The following HIPK1 variants were observed in gnomAD, a reference collection of about 807,000 sequenced individuals.
HIPK1 encodes homeodomain-interacting protein kinase 1.
In HIPK1, 28 loss-of-function variants were observed where a neutral mutation model predicts 117.1. The ratio of observed to expected loss-of-function variants is 0.24; its 90% confidence interval spans 0.18 to 0.33. The LOEUF is 0.33. HIPK1 is among the 10% of genes least tolerant of loss of function. HIPK1 has a pLI of 1.00. For synonymous variants in HIPK1, 605 were observed against 562.5 expected, an observed-to-expected ratio of 1.08 and a Z score of -1.07; for missense variants, 1,122 against 1,475.1, an observed-to-expected ratio of 0.76 and a Z score of 3.92.
chr1:113,930,676 T>G (rs1214000061), intron 1 of HIPK1: 1 of 152,320 alleles, frequency 6.6e-6, no homozygotes, highest in Non-Finnish European at 1.5e-5. Context: ...CTTTTTGTGC[T>G]TAGCAACCAA....
At chr1:113,971,778 G>C in intron 14 of HIPK1, 46 bp from the exon 15 acceptor site, 1 of 1,567,364 alleles carries the variant, frequency 6.4e-7, no homozygotes, top group South Asian at 1.2e-5. Flanking sequence ...TCTGAGGTTA[G>C]CTCAGTGATG....
intron 1 of HIPK1, chr1:113,929,864 G>GGGCCCCAGATCTCGTCTCCTC (rs1669728046): frequency 2.0e-6 from 2 of 987,798 alleles, no homozygotes; most frequent in African/African-American, 1.7e-5. Flanking sequence ...CCCGGCTGCG[G>GGGCCCCAGATCTCGTCTCCTC]GGCCCCAGAT....
rs968257358 is a variant in HIPK1 at position 113,957,385 on chromosome 1, T to C, written c.1755+99T>C. ...GAACCAATTTTTGTTTTGGTGGTCT[T>C]GTTGCTTCTTAGAAATTCTCCACTT... On this transcript the variant is annotated intron_variant, in intron 7 of 15. Coordinates refer to ENST00000426820, the MANE Select transcript of HIPK1 (RefSeq NM_198268.3). 48 of 898,022 alleles carry C rather than the reference T, an allele frequency of 5.3e-5. No homozygotes were observed. In the South Asian group the frequency reaches 8.6e-4, roughly 16 times the overall value. 55.6% of individuals were successfully genotyped at this position (898,022 alleles called of 1,614,324 possible).
chr1:113,937,544 T>C (rs970608987), intron 1 of HIPK1, among the ~76,000 whole-genome samples: 3 of 151,804 alleles, frequency 2.0e-5, no homozygotes, highest in Admixed American at 6.6e-5. Context: ...TTAATAGATA[T>C]GAGATTGGTA....
intron 6 of HIPK1, 73 bp from the exon 7 acceptor site, chr1:113,957,051 T>C: frequency 7.9e-7 from 1 of 1,261,252 alleles, no homozygotes; most frequent in Non-Finnish European, 1.1e-6. Flanking sequence ...CTTTGATCCA[T>C]GTTCATCTTG....
At position 113,941,073 on chromosome 1, in the gene HIPK1, AG is replaced by A; in HGVS notation, c.692del (p.Gly231AspfsTer5). ...LKNHPSYARQ[G>X]QIEVSILSRL... ...AGAACCACCCCTCCTATGCCAGACA[AG>A]GACAGATTGAAGTGAGCATCCTTTC... On this transcript the variant is annotated frameshift_variant, in exon 2 of 16. Transcript: ENST00000426820. LOFTEE classifies it high-confidence loss of function. This position sits in a 1 kb window ranked among gnomAD's most constrained non-coding sequence, Gnocchi z 4.9. The A allele has an allele frequency of 6.2e-7, 1 of 1,614,254 alleles. No homozygotes were observed. Among genetic ancestry groups the A allele is most frequent in the Non-Finnish European group, 8.5e-7 (1 of 1,180,048 alleles).
Position 113,976,977 on chromosome 1 carries a change from A to G in HIPK1, c.*3465A>G, listed in dbSNP as rs952407813. The G allele has an allele frequency of 1.3e-5, 2 of 152,784 alleles. No homozygotes were observed. The highest frequency in any genetic ancestry group is 4.8e-5 in the African/African-American group (2 of 41,444). The allele number at this position is 152,784 out of a possible 1,614,324, so 9.5% of individuals were successfully genotyped here. ...GGAGGTGATATTATTTTCAGTGCTC[A>G]GCTGAAATACCAACCCCAGGAATAA... On this transcript the variant is annotated 3_prime_UTR_variant, in exon 16 of 16. Coordinates refer to ENST00000426820, the MANE Select transcript of HIPK1 (RefSeq NM_198268.3).
intron 1 of HIPK1, among the ~76,000 whole-genome samples, chr1:113,939,924 A>G (rs1670535022): frequency 6.7e-6 from 1 of 148,392 alleles, no homozygotes; most frequent in Non-Finnish European, 1.5e-5. Flanking sequence ...TCTTCAGAAT[A>G]TACTCTAGCT....
At chr1:113,971,722 A>T (rs1292731854) in intron 14 of HIPK1, 102 bp from the exon 15 acceptor site, 8 of 1,139,962 alleles carry the variant, frequency 7.0e-6, no homozygotes, top group Non-Finnish European at 9.8e-6. Context: ...TGAGACCTTA[A>T]TGCTTGCAAA....
intron 2 of HIPK1, among the ~76,000 whole-genome samples, chr1:113,944,173 T>TG (rs1670836199): frequency 7.5e-6 from 1 of 132,464 alleles, no homozygotes; most frequent in Non-Finnish European, 1.6e-5. Context: ...TTTTTTTTTT[T>TG]TTTTTTTTTT....
At chr1:113,962,590 T>C (rs1214082460) in intron 9 of HIPK1, 152 bp downstream of exon 9, 3 of 646,356 alleles carry the variant, frequency 4.6e-6, no homozygotes, top group South Asian at 2.8e-5. Flanking sequence ...TGGAACAATA[T>C]ACTAATTCCT....
intron 12 of HIPK1, 81 bp downstream of exon 12, chr1:113,968,029 C>A: frequency 8.1e-7 from 1 of 1,237,640 alleles, no homozygotes; most frequent in Non-Finnish European, 1.1e-6. Context: ...ATTGTATAGA[C>A]ATATAATATA....
chr1:113,965,877 C>T (rs573578560), intron 10 of HIPK1, among the ~76,000 whole-genome samples: 183 of 152,184 alleles, frequency 1.2e-3, no homozygotes, highest in Admixed American at 3.2e-3. Context: ...AGCTCTTAAC[C>T]GCAGGGATCT....
At chr1:113,967,744 C>T in intron 11 of HIPK1, 22 bp from the exon 12 acceptor site, 1 of 1,459,000 alleles carries the variant, frequency 6.9e-7, no homozygotes, top group Non-Finnish European at 9.1e-7. Flanking sequence ...ATTCACTCTT[C>T]TCTTTCTTTC....
At chr1:113,952,974 C>G (rs1050817024) in intron 3 of HIPK1, 85 bp downstream of exon 3, 21 of 1,228,530 alleles carry the variant, frequency 1.7e-5, no homozygotes, top group African/African-American at 3.1e-5. Context: ...CTAAGTACTA[C>G]TGAAGTATTT....
chr1:113,951,136 G>T (rs1671335800), intron 2 of HIPK1: 20 of 686,894 alleles, frequency 2.9e-5, no homozygotes, highest in Non-Finnish European at 3.6e-5. Context: ...TTAGAACAGT[G>T]CATGGCACAT....
intron 6 of HIPK1, 43 bp from the exon 7 acceptor site, chr1:113,957,080 TA>T (rs1391620062): frequency 1.3e-6 from 2 of 1,505,512 alleles, no homozygotes; most frequent in Non-Finnish European, 1.8e-6. Context: ...GCTGTCTGTT[TA>T]AATCTCAGCA....
chr1:113,952,938 A>T (rs763588625), intron 3 of HIPK1, 49 bp downstream of exon 3: 1 of 1,411,610 alleles, frequency 7.1e-7, no homozygotes, highest in African/African-American at 1.5e-5. Context: ...GTTACTTGTG[A>T]ATTAGATTCT....
At chr1:113,931,728 T>C (rs1056256824) in intron 1 of HIPK1, among the ~76,000 whole-genome samples, 2 of 152,196 alleles carry the variant, frequency 1.3e-5, no homozygotes, top group Non-Finnish European at 2.9e-5. Flanking sequence ...TAAGCACAGC[T>C]CCATCAATGA....
Sources: allele counts gnomAD v4.1 joint callset (sites outside exome capture counted in the v4.1 genomes callset), GRCh38; gene constraint gnomAD v4.1.1; non-coding constraint Gnocchi (gnomAD v3.1); transcripts MANE v1.5; gene names NCBI Gene and HGNC (gene_info 2026-07-23, HGNC 2026-07-21).